Variants in CA13 observed in about 807,000 individuals in gnomAD.
CA13 encodes CA-XIII.
A neutral mutation model predicts 31.5 loss-of-function variants in CA13; 21 were observed. That is an observed-to-expected ratio of 0.67 (90% CI 0.47 to 0.96). The LOEUF is 0.96. Among genes scored for constraint, CA13 ranks in the 40% least tolerant of loss-of-function variants. CA13 has a pLI of 0.00. For missense variants in CA13, 315 were observed against 318.9 expected, an observed-to-expected ratio of 0.99 and a Z score of 0.09; for synonymous variants, 117 against 111.4, an observed-to-expected ratio of 1.05 and a Z score of -0.32.
chr8:85,261,142 C>A (rs545154173), intron 3 of CA13, among the ~76,000 whole-genome samples: 39 of 152,012 alleles, frequency 2.6e-4, no homozygotes, highest in African/African-American at 9.4e-4. Context: ...TAAAGCAAAC[C>A]AGTGAAGGAA....
Position 85,266,678 on chromosome 8 carries a change from TG to T in CA13, c.427del (p.Ala143LeufsTer71). 3 of 1,613,888 alleles carry T rather than the reference TG, an allele frequency of 1.9e-6. No individual in the cohort carries two copies. Among genetic ancestry groups the T allele is most frequent in the Non-Finnish European group, 2.5e-6 (3 of 1,179,812 alleles). ...GAGGCAGCTCATGAACCAGATGGAC[TG>T]GCTGTCTTGGGAGTGTTTTTACAGG... Reference protein sequence around the residue: ...FVEAAHEPDGLAVLGVFLQIG... With the variant: ...FVEAAHEPDGXAVLGVFLQIG... On this transcript the variant is annotated frameshift_variant, in exon 4 of 7. Transcript: ENST00000321764. LOFTEE classifies it high-confidence loss of function.
intron 1 of CA13, among the ~76,000 whole-genome samples, chr8:85,248,571 A>G (rs1005886997): frequency 2.0e-5 from 3 of 152,024 alleles, no homozygotes; most frequent in African/African-American, 7.3e-5. Context: ...ACTAGCCTGC[A>G]GGGTCATGGG....
intron 3 of CA13, among the ~76,000 whole-genome samples, chr8:85,263,177 A>G (rs1443396084): frequency 1.3e-5 from 2 of 152,170 alleles, no homozygotes; most frequent in African/African-American, 4.8e-5. Context: ...AAGAGGAGAA[A>G]GTCATTGGCC....
At chr8:85,275,199 G>A (rs2130002407) in intron 6 of CA13, among the ~76,000 whole-genome samples, 2 of 152,274 alleles carry the variant, frequency 1.3e-5, no homozygotes, top group African/African-American at 4.8e-5. Flanking sequence ...CAAGCTCCGT[G>A]GGGTAATTTT....
chr8:85,275,942 C>T (rs573155057), intron 6 of CA13, among the ~76,000 whole-genome samples: 3 of 152,394 alleles, frequency 2.0e-5, no homozygotes, highest in South Asian at 4.1e-4. Flanking sequence ...GCCTCCTCTG[C>T]CTGGGCTCCC....
intron 6 of CA13, among the ~76,000 whole-genome samples, chr8:85,280,402 A>G (rs996944053): frequency 3.3e-5 from 5 of 152,080 alleles, no homozygotes; most frequent in African/African-American, 7.2e-5. Flanking sequence ...CTTATAAAGG[A>G]CCTCTCTCTC....
At chr8:85,252,033 G>A (rs1048050167) in intron 2 of CA13, among the ~76,000 whole-genome samples, 3 of 152,124 alleles carry the variant, frequency 2.0e-5, no homozygotes, top group Non-Finnish European at 4.4e-5. Context: ...TGAGGTGGGA[G>A]GATTGCTTAT....
chr8:85,280,507 G>C (rs1807687161), intron 6 of CA13, among the ~76,000 whole-genome samples: 1 of 152,144 alleles, frequency 6.6e-6, no homozygotes, highest in Non-Finnish European at 1.5e-5. Context: ...TTGACTCTGA[G>C]ATTAGATGGT....
intron 2 of CA13, among the ~76,000 whole-genome samples, chr8:85,255,104 T>G (rs929093647): frequency 9.2e-5 from 14 of 151,738 alleles, no homozygotes; most frequent in African/African-American, 2.9e-4. Flanking sequence ...TTCCTCCTCC[T>G]TCTTCTTCTC....
intron 1 of CA13, among the ~76,000 whole-genome samples, chr8:85,248,457 CAAA>C (rs528349589): frequency 9.1e-5 from 7 of 76,682 alleles, no homozygotes; most frequent in Non-Finnish European, 1.1e-4. Flanking sequence ...AACTCTGTCT[CAAA>C]AAAAAAAAAA....
At chr8:85,263,104 C>T (rs1300335211) in intron 3 of CA13, among the ~76,000 whole-genome samples, 1 of 152,068 alleles carries the variant, frequency 6.6e-6, no homozygotes, top group Non-Finnish European at 1.5e-5. Context: ...CTAGAGAGAC[C>T]TTTCCAGGAA....
In CA13 at chr8:85,267,241, A is replaced by G. The variant is rs559085795; in HGVS notation, c.450+538A>G. 8.1e-6 allele frequency: 8 copies of G among 987,720 alleles called. No individual in the cohort carries two copies. The African/African-American group carries it at 1.4e-4, about 17-fold the overall frequency. The allele number at this position is 987,720 out of a possible 1,614,324, so 61.2% of individuals were successfully genotyped here. A position where few individuals can be genotyped will look rare whatever the true frequency, so the allele number is the denominator to read the frequency against. On this transcript the variant is annotated intron_variant, in intron 4 of 6. Coordinates refer to ENST00000321764, the MANE Select transcript of CA13 (RefSeq NM_198584.3). ...GGTGTGCCCCTTTGTCACACCCCAT[A>G]CTCTCCATGTGTTGTAACTCATGAA... is the stretch of plus-strand genomic sequence containing the variant.
chr8:85,277,110 G>A (rs1044696082), intron 6 of CA13, among the ~76,000 whole-genome samples: 2 of 152,298 alleles, frequency 1.3e-5, no homozygotes, highest in East Asian at 3.9e-4. Flanking sequence ...CCAGATAAGA[G>A]AAGAAAAGCA....
At chr8:85,258,759 CAAAAAAAAAA>C (rs33933991) in intron 2 of CA13, among the ~76,000 whole-genome samples, 5 of 43,478 alleles carry the variant, frequency 1.2e-4, no homozygotes, top group Admixed American at 4.9e-4. Context: ...CCTGTCTCTA[CAAAAAAAAAA>C]AAAAAAAAAA....
intron 2 of CA13, among the ~76,000 whole-genome samples, chr8:85,258,395 GAT>G (rs1807329991): frequency 6.6e-6 from 1 of 152,110 alleles, no homozygotes; most frequent in African/African-American, 2.4e-5. Context: ...AAGTGACAAA[GAT>G]ATGACAGATT....
chr8:85,259,300 AT>A (rs1807345438), intron 2 of CA13, 120 bp from the exon 3 acceptor site: 1 of 734,118 alleles, frequency 1.4e-6, no homozygotes, highest in African/African-American at 1.7e-5. Context: ...CAAATGACAC[AT>A]TTGTAAAAAA....
At chr8:85,245,959 G>T in intron 1 of CA13, 94 bp downstream of exon 1, 1 of 1,422,180 alleles carries the variant, frequency 7.0e-7, no homozygotes, top group Middle Eastern at 1.8e-4. Flanking sequence ...CACTGGGCTC[G>T]CACATTGAGA....
At position 85,267,328 on chromosome 8, in the gene CA13, C is replaced by T. The variant is rs976866132; in HGVS notation, c.451-574C>T. ...TTTGGACACCAAGTAGGGGTGGTTGCGGCAGGATCCGGGTGCTTTAAAACC... is the reference window on the plus strand; with the variant it reads ...TTTGGACACCAAGTAGGGGTGGTTGTGGCAGGATCCGGGTGCTTTAAAACC... On this transcript the variant is annotated intron_variant, in intron 4 of 6. Coordinates refer to ENST00000321764, the MANE Select transcript of CA13 (RefSeq NM_198584.3). 2.3e-5 allele frequency: 23 copies of T among 984,838 alleles called. No homozygotes were observed. The African/African-American group carries it at 3.5e-4, about 15-fold the overall frequency. 61.0% of individuals were successfully genotyped at this position (984,838 alleles called of 1,614,324 possible). A position where few individuals can be genotyped will look rare whatever the true frequency, so the allele number is the denominator to read the frequency against.
At chr8:85,248,954 T>C (rs548896487) in intron 1 of CA13, among the ~76,000 whole-genome samples, 1 of 152,196 alleles carries the variant, frequency 6.6e-6, no homozygotes, top group Non-Finnish European at 1.5e-5. Flanking sequence ...AAGTCTAGGT[T>C]ATATATAGAA....
Sources: gnomAD v4.1 joint callset for allele counts (sites outside exome capture counted in the v4.1 genomes callset) on GRCh38, gnomAD v4.1.1 for gene constraint, MANE v1.5 for transcripts, NCBI Gene and HGNC (gene_info 2026-07-23, HGNC 2026-07-21) for gene names.